The following ABHD5 variants were observed in gnomAD, a reference collection of about 807,000 sequenced individuals.
The protein encoded by ABHD5 is abhydrolase domain containing 5, lysophosphatidic acid acyltransferase.
In ABHD5, 30 loss-of-function variants were observed where a neutral mutation model predicts 44.9. The ratio of observed to expected loss-of-function variants is 0.67; its 90% confidence interval spans 0.50 to 0.91. The LOEUF is 0.91. Ranked by LOEUF, ABHD5 falls within the 40% of genes least tolerant of loss-of-function variation. The probability of loss-of-function intolerance (pLI) is 0.00; values close to 1 mark genes in which losing one functional copy is unlikely to be tolerated. For missense variants in ABHD5, 399 were observed against 423.4 expected, an observed-to-expected ratio of 0.94 and a Z score of 0.50; for synonymous variants, 167 against 147.0, an observed-to-expected ratio of 1.14 and a Z score of -0.99.
intron 4 of ABHD5, among the ~76,000 whole-genome samples, chr3:43,712,956 A>G (rs1449027853): frequency 1.3e-5 from 2 of 152,066 alleles, no homozygotes; most frequent in Non-Finnish European, 2.9e-5. Context: ...TCTGTGATGC[A>G]CCAATCATGA....
downstream of ABHD5, among the ~76,000 whole-genome samples, chr3:43,724,717 C>T (rs971737544): frequency 2.0e-5 from 3 of 152,052 alleles, no homozygotes; most frequent in Non-Finnish European, 4.4e-5. Context: ...TATATATTCA[C>T]ACACATATGT....
At chr3:43,700,720 CCT>C (rs2084531157) in intron 2 of ABHD5, among the ~76,000 whole-genome samples, 1 of 146,020 alleles carries the variant, frequency 6.8e-6, no homozygotes, top group Non-Finnish European at 1.5e-5. Flanking sequence ...ATTACAGGCA[CCT>C]GCCACCATAC....
intron 3 of ABHD5, among the ~76,000 whole-genome samples, chr3:43,706,200 A>G (rs1376022212): frequency 6.6e-6 from 1 of 152,190 alleles, no homozygotes; most frequent in African/African-American, 2.4e-5. Context: ...GGTGCAATAG[A>G]GCAGTCCGCT....
chr3:43,718,946 C>T lies in ABHD5; in HGVS notation c.*414C>T, dbSNP rs1374386144. ...AGGTGCACTTTATTTTCTTTGTCTTCCCCATCATGTATTTATTGTGTCTTG... is the reference window on the plus strand; with the variant it reads ...AGGTGCACTTTATTTTCTTTGTCTTTCCCATCATGTATTTATTGTGTCTTG... On this transcript the variant is annotated 3_prime_UTR_variant, in exon 7 of 7. Coordinates refer to ENST00000644371, the MANE Select transcript of ABHD5 (RefSeq NM_016006.6). 1.2e-5 allele frequency: 2 copies of T among 167,522 alleles called. No individual in the cohort carries two copies. Among genetic ancestry groups the T allele is most frequent in the Non-Finnish European group, 2.6e-5 (2 of 77,158 alleles). The allele number at this position is 167,522 out of a possible 1,614,324, so 10.4% of individuals were successfully genotyped here.
intron 1 of ABHD5, among the ~76,000 whole-genome samples, chr3:43,695,945 C>G (rs1256649824): frequency 6.6e-6 from 1 of 152,172 alleles, no homozygotes; most frequent in Non-Finnish European, 1.5e-5. Flanking sequence ...TAAAAAGATT[C>G]TTAGTTTGCA....
At chr3:43,702,142 G>T (rs2084548754) in intron 2 of ABHD5, 73 bp from the exon 3 acceptor site, 3 of 1,338,444 alleles carry the variant, frequency 2.2e-6, no homozygotes, top group Admixed American at 2.4e-5. Flanking sequence ...TGTAATTTTT[G>T]GTTGCTCTGA....
chr3:43,694,838 G>A (rs35521801), intron 1 of ABHD5: 89,517 of 152,026 alleles, frequency 0.59, 30,163 homozygotes, highest in East Asian at 0.75. Flanking sequence ...AAATAAAATG[G>A]CATGTTAGTC....
At chr3:43,694,580 A>T (rs975801764) in intron 1 of ABHD5, among the ~76,000 whole-genome samples, 24 of 152,144 alleles carry the variant, frequency 1.6e-4, no homozygotes, top group African/African-American at 5.6e-4. Flanking sequence ...TAATGAGGTC[A>T]TATAAGTGAC....
Position 43,721,714 on chromosome 3 carries a change from A to G in ABHD5, c.*3182A>G, listed in dbSNP as rs557330587. On this transcript the variant is annotated 3_prime_UTR_variant, in exon 7 of 7. Transcript: ENST00000644371. ...CAGAGAAGAAAAAAGATTTTTTTGG[A>G]TAGCTGAAAATATTTGCAGCATTTA... is the stretch of plus-strand genomic sequence containing the variant. 6.6e-6 allele frequency: 1 copy of G among 152,286 alleles called. No homozygotes were observed. Among genetic ancestry groups the G allele is most frequent in the African/African-American group, 2.4e-5 (1 of 41,556 alleles). The allele number at this position is 152,286 out of a possible 1,614,324, so 9.4% of individuals were successfully genotyped here.
chr3:43,732,555 G>C (rs184905511), intron 7 of ABHD5, among the ~76,000 whole-genome samples: 12 of 152,302 alleles, frequency 7.9e-5, no homozygotes, highest in Non-Finnish European at 1.5e-4. Flanking sequence ...TAAAATGCAA[G>C]CTTAAAGTCT....
chr3:43,724,585 A>G (rs1349211376), downstream of ABHD5, among the ~76,000 whole-genome samples: 3 of 152,210 alleles, frequency 2.0e-5, no homozygotes, highest in Admixed American at 1.3e-4. Flanking sequence ...TGCTACATTC[A>G]TATGCTGGAG....
At chr3:43,703,090 T>A (rs898232200) in intron 3 of ABHD5, among the ~76,000 whole-genome samples, 5 of 152,170 alleles carry the variant, frequency 3.3e-5, no homozygotes, top group Non-Finnish European at 7.3e-5. Flanking sequence ...CAGGGTTTTT[T>A]ATTATACCAT....
At chr3:43,701,776 G>A (rs2084544620) in intron 2 of ABHD5, 1 of 157,018 alleles carries the variant, frequency 6.4e-6, no homozygotes, top group Non-Finnish European at 1.4e-5. Flanking sequence ...CTTTAAGCCT[G>A]ACTTCAACTC....
At chr3:43,716,158 C>T (rs571675182) in intron 5 of ABHD5, among the ~76,000 whole-genome samples, 23 of 152,046 alleles carry the variant, frequency 1.5e-4, no homozygotes, top group African/African-American at 3.9e-4. Flanking sequence ...AGGAGGAGGC[C>T]GAATGATAAG....
chr3:43,728,318 A>T (rs2084891123), intron 7 of ABHD5, among the ~76,000 whole-genome samples: 1 of 152,230 alleles, frequency 6.6e-6, no homozygotes, highest in African/African-American at 2.4e-5. Context: ...ATAGTAAAGT[A>T]CCCTAATATT....
intron 1 of ABHD5, 58 bp from the exon 2 acceptor site, chr3:43,699,218 T>G: frequency 7.1e-7 from 1 of 1,399,320 alleles, no homozygotes; most frequent in Non-Finnish European, 1.0e-6. Context: ...CATGTGACAA[T>G]TGGTAGTTGA....
At chr3:43,704,835 C>G (rs917918484) in intron 3 of ABHD5, among the ~76,000 whole-genome samples, 1 of 152,180 alleles carries the variant, frequency 6.6e-6, no homozygotes, top group Non-Finnish European at 1.5e-5. Context: ...AGAGTACTGT[C>G]TCAGGACCAA....
At chr3:43,703,185 T>TC (rs2084567092) in intron 3 of ABHD5, among the ~76,000 whole-genome samples, 1 of 151,306 alleles carries the variant, frequency 6.6e-6, no homozygotes, top group South Asian at 2.1e-4. Flanking sequence ...TCTTTAACTT[T>TC]TTTTTTTTTT....
chr3:43,699,634 C>A (rs1469674662), intron 2 of ABHD5: 1 of 320,312 alleles, frequency 3.1e-6, no homozygotes, highest in East Asian at 6.0e-5. Flanking sequence ...CAATATTTAT[C>A]ATTTCTAATA....
Sources: gnomAD v4.1 joint callset for allele counts (sites outside exome capture counted in the v4.1 genomes callset) on GRCh38, gnomAD v4.1.1 for gene constraint, MANE v1.5 for transcripts, NCBI Gene and HGNC (gene_info 2026-07-23, HGNC 2026-07-21) for gene names.